BTBD16: variants seen among roughly 807,000 people sequenced by gnomAD.
BTBD16 encodes the protein BTB domain containing 16.
BTBD16 carries 66 observed loss-of-function variants against 67.4 expected under a neutral mutation model. The observed-to-expected ratio is 0.98, with a 90% CI of 0.80 to 1.20. BTBD16 has a LOEUF of 1.20. BTBD16 is among the 50% of genes most tolerant of loss of function. The pLI, the probability that BTBD16 is intolerant of heterozygous loss-of-function variation, is 0.00. For missense variants in BTBD16, 634 were observed against 616.0 expected, an observed-to-expected ratio of 1.03 and a Z score of -0.31; for synonymous variants, 242 against 236.4, an observed-to-expected ratio of 1.02 and a Z score of -0.22.
intron 5 of BTBD16, among the ~76,000 whole-genome samples, chr10:122,289,373 C>T (rs1015756409): frequency 1.1e-4 from 17 of 152,116 alleles, no homozygotes; most frequent in South Asian, 4.2e-4. Flanking sequence ...GCGAGGGATA[C>T]GTGGGAACTC....
chr10:122,286,182 C>A lies in BTBD16; in HGVS notation c.319C>A (p.Leu107Ile), dbSNP rs138787133. The A allele has an allele frequency of 2.1e-5, 34 of 1,613,876 alleles. No individual in the cohort carries two copies. The highest frequency in any genetic ancestry group is 2.9e-5 in the Non-Finnish European group (34 of 1,179,900). Residue 107 changes from leucine (L) to isoleucine (I), a missense_variant, in exon 5 of 16, where the codon CTC (leucine) becomes ATC (isoleucine). Leu to Ile is a conservative substitution (Grantham distance 5). Coordinates refer to ENST00000260723, the MANE Select transcript of BTBD16 (RefSeq NM_144587.5). ...QLFQSETLAK[L>I]YLKALAQGTT... is the part of the protein sequence containing the mutation. ...TTTTCAGTCTGAGACCTTGGCCAAG[C>A]TCTACCTGAAAGCCCTGGCGCAGGG...
chr10:122,292,016 A>G (rs1481251496), intron 7 of BTBD16, among the ~76,000 whole-genome samples: 2 of 152,166 alleles, frequency 1.3e-5, no homozygotes, highest in African/African-American at 2.4e-5. Flanking sequence ...GGTAACAGAC[A>G]TTGCTTGGTG....
At chr10:122,313,977 T>C (rs992058415) in intron 10 of BTBD16, among the ~76,000 whole-genome samples, 1 of 152,228 alleles carries the variant, frequency 6.6e-6, no homozygotes, top group Non-Finnish European at 1.5e-5. Context: ...AATCTTGAGA[T>C]GGAATAAGAC....
chr10:122,331,852 C>T (rs983817326), intron 12 of BTBD16: 1 of 154,502 alleles, frequency 6.5e-6, no homozygotes, highest in African/African-American at 2.4e-5. Context: ...ATATGCAAGC[C>T]ACAGTGCTCA....
At chr10:122,337,927 A>G in intron 15 of BTBD16, 90 bp from the exon 16 acceptor site, 1 of 1,073,128 alleles carries the variant, frequency 9.3e-7, no homozygotes, top group South Asian at 1.5e-5. Flanking sequence ...AGCATTTTCT[A>G]CAACTGTTAG....
chr10:122,286,060 G>T, intron 4 of BTBD16, 45 bp from the exon 5 acceptor site: 1 of 1,554,416 alleles, frequency 6.4e-7, no homozygotes, highest in Non-Finnish European at 8.8e-7. Context: ...TCTTTGGGTG[G>T]GGACGTTACT....
At chr10:122,298,711 A>G (rs1311495529) in intron 8 of BTBD16, among the ~76,000 whole-genome samples, 1 of 152,174 alleles carries the variant, frequency 6.6e-6, no homozygotes, top group Non-Finnish European at 1.5e-5. Flanking sequence ...GTGTGACGAC[A>G]GGCAAGAGCA....
rs1288272141 is a variant in BTBD16, at chr10:122,291,141, A to G, written c.537A>G (p.Leu179=). 1.2e-6 allele frequency: 2 copies of G among 1,613,770 alleles called. No individual in the cohort carries two copies. Among genetic ancestry groups the G allele is most frequent in the South Asian group, 2.2e-5 (2 of 90,946 alleles). The change falls in exon 7 of 16, where the codon CTA becomes CTG. Residue 179 remains leucine, a synonymous_variant. Transcript: ENST00000260723. The part of the protein sequence containing the change: ...MSEVEINLED[L]LGVLASAHIL... ...AGGTGGAGATTAACTTGGAAGACCT[A>G]CTGGGAGTGCTGGCTTCCGCCCACA...
chr10:122,281,591 C>G (rs144416426), intron 3 of BTBD16, among the ~76,000 whole-genome samples: 1 of 152,224 alleles, frequency 6.6e-6, no homozygotes, highest in East Asian at 1.9e-4. Context: ...CACATCATAA[C>G]TCCATTTTTA....
intron 3 of BTBD16, among the ~76,000 whole-genome samples, chr10:122,280,017 C>T (rs2096349453): frequency 6.6e-6 from 1 of 152,152 alleles, no homozygotes; most frequent in African/African-American, 2.4e-5. Flanking sequence ...AGTTCCTGGT[C>T]AGCCACTCAG....
chr10:122,285,989 C>G, intron 4 of BTBD16, 116 bp from the exon 5 acceptor site: 1 of 1,047,094 alleles, frequency 9.6e-7, no homozygotes, highest in South Asian at 1.6e-5. Flanking sequence ...AGGCTGCTTG[C>G]CTGCTTCATG....
In BTBD16 at chr10:122,288,548, A is replaced by C. The variant is rs113660018; in HGVS notation, c.386-1361A>C. Among the ~76,000 whole-genome samples the C allele has an allele frequency of 6.6e-5, 10 of 152,240 alleles. 2 individuals are homozygous for C. The highest frequency in any genetic ancestry group is 2.4e-4 in the African/African-American group (10 of 41,544). On this transcript the variant is annotated intron_variant, in intron 5 of 15. Coordinates refer to ENST00000260723, the MANE Select transcript of BTBD16 (RefSeq NM_144587.5). ...TGGAATCCATGTGCTGCGTTCATTC[A>C]GCTGATATTTACTAGCACCAGTGTG...
At chr10:122,329,612 C>T (rs1370489618) in intron 11 of BTBD16, 41 bp downstream of exon 11, 2 of 1,560,682 alleles carry the variant, frequency 1.3e-6, no homozygotes, top group African/African-American at 2.7e-5. Context: ...GGGAAAGCTG[C>T]TGGGCACCTG....
Position 122,278,190 on chromosome 10 carries a change from A to C in BTBD16, c.167+1251A>C, listed in dbSNP as rs564460378. ...CAAAAGCTGATGAGAGGGTCTGGGC[A>C]GCAAGAACTAAATCTCTGTGAGTCA... On this transcript the variant is annotated intron_variant, in intron 3 of 15. Transcript: ENST00000260723. Among the ~76,000 whole-genome samples, 4 of 152,342 alleles carry C rather than the reference A, an allele frequency of 2.6e-5. No homozygotes were observed. The South Asian group carries it at 8.3e-4, about 32-fold the overall frequency.
At chr10:122,303,970 G>A (rs1009584163) in intron 9 of BTBD16, among the ~76,000 whole-genome samples, 7 of 152,142 alleles carry the variant, frequency 4.6e-5, no homozygotes, top group Admixed American at 1.3e-4. Flanking sequence ...ATTCTGATTC[G>A]TGGAGCTCCC....
intron 9 of BTBD16, among the ~76,000 whole-genome samples, chr10:122,306,800 C>T (rs1467378884): frequency 1.3e-5 from 2 of 152,166 alleles, no homozygotes; most frequent in African/African-American, 4.8e-5. Context: ...TAGGGTTAAT[C>T]TCAATTTCTA....
intron 10 of BTBD16, chr10:122,327,582 G>A (rs77544954): frequency 0.064 from 63,423 of 984,984 alleles, 2,177 homozygotes; most frequent in East Asian, 0.086. Context: ...GGGGGTCCCA[G>A]CTTGGTTGGA....
Position 122,299,021 on chromosome 10 carries a change from C to T in BTBD16, c.678C>T (p.Leu226=), listed in dbSNP as rs771625514. The T allele has an allele frequency of 6.8e-6, 11 of 1,613,920 alleles. No individual in the cohort carries two copies. In the South Asian group the frequency reaches 8.8e-5, roughly 13 times the overall value. Residue 226 remains leucine (L), a synonymous_variant, in exon 9 of 16, where the codon CTC becomes CTT. Coordinates refer to ENST00000260723, the MANE Select transcript of BTBD16 (RefSeq NM_144587.5). ...TGTCTTAGTACAAGGAAGAGCAGCT[C>T]ACCACCGGCTGCGAGAAGTGGCTGG... ...EAGCKYKEEQ[L]TTGCEKWLEM...
intron 10 of BTBD16, among the ~76,000 whole-genome samples, chr10:122,312,336 A>C (rs1244010229): frequency 9.2e-6 from 1 of 108,126 alleles, no homozygotes; most frequent in African/African-American, 3.7e-5. Context: ...TTTTTTTGAG[A>C]CAGTCTCGCT....
Sources: allele counts gnomAD v4.1 joint callset (sites outside exome capture counted in the v4.1 genomes callset), GRCh38; gene constraint gnomAD v4.1.1; transcripts MANE v1.5; gene names NCBI Gene and HGNC (gene_info 2026-07-23, HGNC 2026-07-21).